CA10: variants seen among roughly 807,000 people sequenced by gnomAD.
CA10 encodes carbonic anhydrase-related protein 10.
In CA10, 14 loss-of-function variants were observed where a neutral mutation model predicts 44.2. The observed-to-expected ratio is 0.32, with a 90% CI of 0.21 to 0.50. The LOEUF (loss-of-function observed/expected upper bound fraction) is 0.50, where lower values mean the gene tolerates loss of function less well. CA10 is among the 20% of genes least tolerant of loss of function. CA10 has a pLI of 0.99. For missense variants in CA10, 350 were observed against 409.7 expected (o/e 0.85, Z 1.26); for synonymous variants, 159 against 141.6 (o/e 1.12, Z -0.87).
At chr17:51,963,748 CAAGAGACCCTT>C (rs1424396039) in intron 2 of CA10, among the ~76,000 whole-genome samples, 1 of 152,098 alleles carries the variant, frequency 6.6e-6, no homozygotes, top group Non-Finnish European at 1.5e-5. Context: ...AACCGGCTTA[CAAGAGACCCTT>C]AAGGGAATTA....
rs1241020054 is a variant in CA10 at position 51,910,565 on chromosome 17, G to C, written c.279+20425C>G. ...AATTCAGATAGAATGGCAGGATCTA[G>C]AGTAATTCACCAGTTTATAAAGTTC... On this transcript the variant is annotated intron_variant, in intron 3 of 8. Coordinates refer to ENST00000451037, the MANE Select transcript of CA10 (RefSeq NM_020178.5). 3.3e-5 allele frequency among the ~76,000 whole-genome samples: 5 copies of C among 152,194 alleles called. No homozygotes were observed. In the East Asian group the frequency reaches 9.6e-4, roughly 29 times the overall value.
chr17:52,113,749 A>AAT (rs1219139490), intron 1 of CA10, among the ~76,000 whole-genome samples: 1 of 152,252 alleles, frequency 6.6e-6, no homozygotes, highest in Non-Finnish European at 1.5e-5. Flanking sequence ...ACTAAAGTTA[A>AAT]ATATGTATTT....
At chr17:51,754,432 TA>T (rs1905014519) in intron 3 of CA10, among the ~76,000 whole-genome samples, 1 of 122,554 alleles carries the variant, frequency 8.2e-6, no homozygotes, top group Non-Finnish European at 1.7e-5. Context: ...TATATATATA[TA>T]TATATATATA....
At chr17:52,042,307 G>C (rs933274146) in intron 2 of CA10, among the ~76,000 whole-genome samples, 4 of 151,822 alleles carry the variant, frequency 2.6e-5, no homozygotes, top group Non-Finnish European at 4.4e-5. Context: ...ATGAAGTGAT[G>C]CCTTGTGGTT....
At chr17:51,734,038 T>C (rs1325676005) in intron 4 of CA10, among the ~76,000 whole-genome samples, 1 of 55,778 alleles carries the variant, frequency 1.8e-5, no homozygotes, top group Non-Finnish European at 4.0e-5. Flanking sequence ...GGAGGTTCAA[T>C]ATTGCGACAA....
intron 3 of CA10, among the ~76,000 whole-genome samples, chr17:51,842,669 A>G (rs1424394347): frequency 6.6e-6 from 1 of 152,198 alleles, no homozygotes; most frequent in Non-Finnish European, 1.5e-5. Context: ...TACACAGAGA[A>G]ATATGTATAA....
chr17:51,830,366 C>G (rs1261754794), intron 3 of CA10, among the ~76,000 whole-genome samples: 1 of 151,990 alleles, frequency 6.6e-6, no homozygotes, highest in Non-Finnish European at 1.5e-5. Flanking sequence ...TGTTCTCTCT[C>G]TCAATCTCTT....
chr17:51,803,556 G>A (rs763113023), intron 3 of CA10, among the ~76,000 whole-genome samples: 4 of 152,240 alleles, frequency 2.6e-5, no homozygotes, highest in African/African-American at 7.2e-5. Flanking sequence ...CCTTTTTTGG[G>A]TGGTGTGAAG....
intron 4 of CA10, among the ~76,000 whole-genome samples, chr17:51,729,638 A>T (rs992077345): frequency 3.3e-5 from 5 of 152,140 alleles, no homozygotes; most frequent in African/African-American, 1.2e-4. Context: ...CACTGCCTAA[A>T]TTTCAGGTAT....
intron 3 of CA10, among the ~76,000 whole-genome samples, chr17:51,838,714 A>G (rs1978296250): frequency 6.6e-6 from 1 of 152,250 alleles, no homozygotes; most frequent in South Asian, 2.1e-4. Context: ...AAATATCTCT[A>G]TATACATACC....
At chr17:51,887,856 A>G (rs940114084) in intron 3 of CA10, among the ~76,000 whole-genome samples, 8 of 142,144 alleles carry the variant, frequency 5.6e-5, no homozygotes, top group Admixed American at 2.1e-4. Context: ...AAAAAAAAAG[A>G]AAAAAAAAAA....
intron 3 of CA10, among the ~76,000 whole-genome samples, chr17:51,886,299 G>C (rs902151544): frequency 2.6e-5 from 4 of 152,174 alleles, no homozygotes; most frequent in Non-Finnish European, 4.4e-5. Context: ...ACTTCCTGGA[G>C]TAACAATTCC....
At chr17:52,021,675 A>C (rs1986144548) in intron 2 of CA10, among the ~76,000 whole-genome samples, 1 of 152,118 alleles carries the variant, frequency 6.6e-6, no homozygotes, top group Non-Finnish European at 1.5e-5. Flanking sequence ...ACAAAGGAAA[A>C]AAGGGAGAAG....
At position 52,015,200 on chromosome 17, in the gene CA10, CACTTTTTCTAAGA is replaced by C. The variant is rs1985929818; in HGVS notation, c.136+57106_136+57118del. On this transcript the variant is annotated intron_variant, in intron 2 of 8. Coordinates refer to ENST00000451037, the MANE Select transcript of CA10 (RefSeq NM_020178.5). ...GAAGAAGTATATAGACGTATAATGA[CACTTTTTCTAAGA>C]ACAAAACCTCTGAGACAATACTTGA... 9.9e-5 allele frequency among the ~76,000 whole-genome samples: 15 copies of C among 152,124 alleles called. 1 individual carries two copies. In the South Asian group the frequency reaches 3.1e-3, roughly 32 times the overall value.
intron 2 of CA10, among the ~76,000 whole-genome samples, chr17:51,969,940 T>C (rs1200017026): frequency 6.6e-6 from 1 of 152,006 alleles, no homozygotes; most frequent in Admixed American, 6.6e-5. Flanking sequence ...ACAGTGGGAA[T>C]TGGATGCTCT....
chr17:52,142,062 C>A (rs149719493), intron 1 of CA10, among the ~76,000 whole-genome samples: 5 of 152,248 alleles, frequency 3.3e-5, no homozygotes, highest in African/African-American at 4.8e-5. Flanking sequence ...ATGTGAGAAC[C>A]TATGAGTAAG....
At chr17:51,638,197 G>T (rs938004176) in intron 6 of CA10, among the ~76,000 whole-genome samples, 1 of 152,194 alleles carries the variant, frequency 6.6e-6, no homozygotes, top group Non-Finnish European at 1.5e-5. Context: ...GGAGCCAATC[G>T]TTTGGAATGA....
In CA10 at chr17:52,157,487, C is replaced by T. The variant is rs537784982; in HGVS notation, c.61+239G>A. On this transcript the variant is annotated intron_variant, in intron 1 of 8. Coordinates refer to ENST00000451037, the MANE Select transcript of CA10 (RefSeq NM_020178.5). The stretch of plus-strand genomic sequence containing the variant: ...GCCTCTTCTTTCTCATCCCCCACCA[C>T]TTTTTCCTTCACCCTTCTAGGACTG... Among the ~76,000 whole-genome samples the T allele has an allele frequency of 4.4e-4, 66 of 148,582 alleles. 2 individuals carry two copies. Among genetic ancestry groups the T allele is most frequent in the Admixed American group, 1.0e-3 (15 of 14,770 alleles).
intron 4 of CA10, among the ~76,000 whole-genome samples, chr17:51,717,551 ATATATATAT>A (rs1916154586): frequency 7.3e-6 from 1 of 137,228 alleles, no homozygotes; most frequent in African/African-American, 2.7e-5. Flanking sequence ...ATATATATAT[ATATATATAT>A]AATATTACAT....
Sources: gnomAD v4.1 joint callset for allele counts (sites outside exome capture counted in the v4.1 genomes callset) on GRCh38, gnomAD v4.1.1 for gene constraint, MANE v1.5 for transcripts, NCBI Gene and HGNC (gene_info 2026-07-23, HGNC 2026-07-21) for gene names.